The following ZNF638 variants were observed in gnomAD, a reference collection of about 807,000 sequenced individuals.
ZNF638 encodes the protein zinc finger protein 638.
ZNF638 carries 46 observed loss-of-function variants against 195.6 expected under a neutral mutation model. The ratio of observed to expected loss-of-function variants is 0.24; its 90% CI spans 0.19 to 0.30. ZNF638 has a LOEUF of 0.30. Among genes scored for constraint, ZNF638 ranks in the 10% least tolerant of loss-of-function variants. ZNF638 has a pLI of 1.00. For missense variants in ZNF638, 2,440 were observed against 2,325.3 expected (o/e 1.05, Z -1.01); for synonymous variants, 845 against 772.0 (o/e 1.09, Z -1.57).
intron 3 of ZNF638, among the ~76,000 whole-genome samples, chr2:71,361,305 A>G (rs959360601): frequency 1.3e-5 from 2 of 152,198 alleles, no homozygotes; most frequent in Non-Finnish European, 2.9e-5. Context: ...ACCATAAACT[A>G]GAGACCCCCT....
intron 20 of ZNF638, chr2:71,408,912 G>T: frequency 5.4e-6 from 1 of 185,408 alleles, no homozygotes; most frequent in Non-Finnish European, 1.2e-5. Flanking sequence ...TATTATGATA[G>T]GTACCAGTTT....
rs374136425 is a variant in ZNF638 at position 71,365,429 on chromosome 2, A to G, written c.1718A>G (p.Asp573Gly). 3 of 1,576,150 alleles carry G rather than the reference A, an allele frequency of 1.9e-6. No individual in the cohort carries two copies. The highest frequency in any genetic ancestry group is 2.6e-6 in the Non-Finnish European group (3 of 1,165,504). Residue 573 changes from aspartate to glycine, a missense_variant and splice_region_variant, in exon 6 of 28, where the codon GAT becomes GGT. Coordinates refer to ENST00000264447, the MANE Select transcript of ZNF638 (RefSeq NM_014497.5). ...RMSRRSVRSS[D>G]RKKALEDVVQ... ...AATTATATTTATATCTTTTTACTAGATAGAAAAAAAGCATTAGAAGATGTA... is the reference window on the plus strand; with the variant it reads ...AATTATATTTATATCTTTTTACTAGGTAGAAAAAAAGCATTAGAAGATGTA...
intron 1 of ZNF638, among the ~76,000 whole-genome samples, chr2:71,336,012 A>C (rs2078660448): frequency 6.6e-6 from 1 of 152,226 alleles, no homozygotes; most frequent in African/African-American, 2.4e-5. Context: ...CTTTTTATAC[A>C]TTATTTAGAT....
intron 10 of ZNF638, 75 bp downstream of exon 10, chr2:71,380,640 A>C (rs1309914913): frequency 7.9e-7 from 1 of 1,258,092 alleles, no homozygotes; most frequent in African/African-American, 1.5e-5. Context: ...TGATGATGCT[A>C]TGAAGACACT....
intron 20 of ZNF638, among the ~76,000 whole-genome samples, chr2:71,411,814 T>C (rs1573144482): frequency 2.4e-5 from 1 of 41,822 alleles, no homozygotes; most frequent in Admixed American, 3.0e-4. Flanking sequence ...CTCATCATTT[T>C]TTATGGCTGC....
At chr2:71,398,364 A>G (rs2079938880) in intron 11 of ZNF638, among the ~76,000 whole-genome samples, 1 of 152,126 alleles carries the variant, frequency 6.6e-6, no homozygotes, top group East Asian at 1.9e-4. Context: ...GTTTTTTTTA[A>G]GTACTTACAT....
chr2:71,424,591 G>C, intron 22 of ZNF638, 59 bp from the exon 23 acceptor site: 1 of 1,369,140 alleles, frequency 7.3e-7, no homozygotes, highest in East Asian at 2.3e-5. Flanking sequence ...TTTTTTTCCA[G>C]AACATTAATA....
intron 1 of ZNF638, among the ~76,000 whole-genome samples, chr2:71,340,249 A>C (rs923911372): frequency 4.6e-5 from 7 of 152,204 alleles, no homozygotes; most frequent in Admixed American, 3.9e-4. Flanking sequence ...CTTTGAAGGC[A>C]CCACATTTTG....
rs754418469 is a variant in ZNF638, at chr2:71,427,121, T to G, written c.5252T>G (p.Leu1751Trp). 6.2e-7 allele frequency: 1 copy of G among 1,614,144 alleles called. No individual in the cohort carries two copies. Among genetic ancestry groups the G allele is most frequent in the Non-Finnish European group, 8.5e-7 (1 of 1,180,010 alleles). The change falls in exon 24 of 28, where the codon TTG becomes TGG. Residue 1751 changes from leucine (L) to tryptophan (W), a missense_variant. Coordinates refer to ENST00000264447, the MANE Select transcript of ZNF638 (RefSeq NM_014497.5). ...DDSSDLHLVT[L>W]DEVTEEDEDS... Reference sequence around the variant, plus strand: ...AGCAGTGATTTGCATTTAGTGACTTTGGATGAAGTAACTGAAGAGGATGAA... The same window carrying G: ...AGCAGTGATTTGCATTTAGTGACTTGGGATGAAGTAACTGAAGAGGATGAA...
intron 1 of ZNF638, among the ~76,000 whole-genome samples, chr2:71,338,863 T>A (rs2104098773): frequency 6.6e-6 from 1 of 152,332 alleles, no homozygotes; most frequent in Admixed American, 6.5e-5. Flanking sequence ...AAAATATATG[T>A]AAATTGTTAA....
intron 12 of ZNF638, among the ~76,000 whole-genome samples, chr2:71,399,147 A>G (rs2079954790): frequency 6.6e-6 from 1 of 152,164 alleles, no homozygotes; most frequent in Non-Finnish European, 1.5e-5. Flanking sequence ...AAAGGATGTT[A>G]GGAGAATTCA....
intron 10 of ZNF638, 25 bp from the exon 11 acceptor site, chr2:71,396,116 T>G: frequency 6.2e-7 from 1 of 1,607,180 alleles, no homozygotes; most frequent in Non-Finnish European, 8.5e-7. Flanking sequence ...AATGTAGTAC[T>G]TAAATGTTTT....
chr2:71,369,818 A>C, intron 7 of ZNF638, 65 bp from the exon 8 acceptor site: 1 of 1,492,502 alleles, frequency 6.7e-7, no homozygotes, highest in Non-Finnish European at 9.0e-7. Flanking sequence ...GATTAAGCCC[A>C]TTTTAAAATG....
At chr2:71,354,741 AAAAAG>A (rs1385442295) in intron 2 of ZNF638, among the ~76,000 whole-genome samples, 1 of 152,058 alleles carries the variant, frequency 6.6e-6, no homozygotes, top group Non-Finnish European at 1.5e-5. Flanking sequence ...GTCTCAAAAA[AAAAAG>A]AAAAGAAAAA....
chr2:71,360,511 A>G (rs1176433501), intron 3 of ZNF638, among the ~76,000 whole-genome samples: 1 of 151,604 alleles, frequency 6.6e-6, no homozygotes, highest in Admixed American at 6.6e-5. Flanking sequence ...TTCAGTTAAG[A>G]TTTATGCATT....
chr2:71,344,312 G>C (rs2078815600), intron 1 of ZNF638, among the ~76,000 whole-genome samples: 1 of 152,156 alleles, frequency 6.6e-6, no homozygotes, highest in South Asian at 2.1e-4. Flanking sequence ...CCTGCCAGTG[G>C]ATGCTGAAAA....
intron 3 of ZNF638, among the ~76,000 whole-genome samples, chr2:71,357,090 CTA>C (rs1280272531): frequency 6.6e-6 from 1 of 152,132 alleles, no homozygotes; most frequent in Admixed American, 6.5e-5. Flanking sequence ...ACCCCTCACT[CTA>C]TGACACAGCC....
At chr2:71,408,304 G>A in intron 20 of ZNF638, 57 bp downstream of exon 20, 2 of 1,562,644 alleles carry the variant, frequency 1.3e-6, no homozygotes, top group South Asian at 2.4e-5. Flanking sequence ...GAACATAAAG[G>A]TCATTCTCAG....
intron 1 of ZNF638, chr2:71,334,660 A>G (rs1029100142): frequency 6.6e-6 from 1 of 152,462 alleles, no homozygotes; most frequent in African/African-American, 2.4e-5. Context: ...GCGGTGGCTC[A>G]TGCCTGTAAT....
Sources: allele counts gnomAD v4.1 joint callset (sites outside exome capture counted in the v4.1 genomes callset), GRCh38; gene constraint gnomAD v4.1.1; transcripts MANE v1.5; gene names NCBI Gene and HGNC (gene_info 2026-07-23, HGNC 2026-07-21).